Variants in ZMIZ1 observed in about 807,000 individuals in gnomAD.
The protein encoded by ZMIZ1 is zinc finger MIZ-type containing 1.
ZMIZ1 carries 17 observed loss-of-function variants against 113.9 expected under a neutral mutation model. That is an observed-to-expected ratio of 0.15 (90% CI 0.10 to 0.22). The LOEUF (loss-of-function observed/expected upper bound fraction) is 0.22, where lower values mean the gene tolerates loss of function less well. Among genes scored for constraint, ZMIZ1 ranks in the 10% least tolerant of loss-of-function variants. The pLI is 1.00. For missense variants in ZMIZ1, 1,059 were observed against 1,477.8 expected, an observed-to-expected ratio of 0.72 and a Z score of 4.65; for synonymous variants, 607 against 603.1, an observed-to-expected ratio of 1.01 and a Z score of -0.09.
At chr10:79,123,541 G>C (rs995603538) in intron 2 of ZMIZ1, among the ~76,000 whole-genome samples, 1 of 152,174 alleles carries the variant, frequency 6.6e-6, no homozygotes, top group Non-Finnish European at 1.5e-5. Flanking sequence ...CCACACAGGA[G>C]GGTTTCCTCC....
chr10:79,225,903 G>A (rs7894441), intron 7 of ZMIZ1, among the ~76,000 whole-genome samples: 1 of 152,198 alleles, frequency 6.6e-6, no homozygotes, highest in African/African-American at 2.4e-5. Flanking sequence ...CTTCACGGCT[G>A]CAGGAAGAAT....
At chr10:79,297,557 G>T (rs187955417) in intron 13 of ZMIZ1, 56 bp from the exon 14 acceptor site, 3 of 1,464,480 alleles carry the variant, frequency 2.0e-6, no homozygotes, top group Non-Finnish European at 2.9e-6. Flanking sequence ...GAGGGAGAGC[G>T]GGCTTCTGAT....
At chr10:79,230,713 A>G (rs1368864762) in intron 7 of ZMIZ1, among the ~76,000 whole-genome samples, 3 of 152,194 alleles carry the variant, frequency 2.0e-5, no homozygotes, top group African/African-American at 7.2e-5. Flanking sequence ...AGCATGCTGG[A>G]TGCGGTGGAG....
chr10:79,115,977 TTA>T (rs1345224515), intron 1 of ZMIZ1, among the ~76,000 whole-genome samples: 1 of 152,238 alleles, frequency 6.6e-6, no homozygotes, highest in African/African-American at 2.4e-5. Flanking sequence ...GGGTGTAGCA[TTA>T]TACTACGGCC....
At chr10:79,141,006 A>C (rs1182814851) in intron 3 of ZMIZ1, among the ~76,000 whole-genome samples, 2 of 152,102 alleles carry the variant, frequency 1.3e-5, no homozygotes, top group African/African-American at 4.8e-5. Flanking sequence ...TGGGTTTTGA[A>C]GACAGAGCCA....
intron 4 of ZMIZ1, among the ~76,000 whole-genome samples, chr10:79,192,373 C>T (rs1267019222): frequency 6.6e-6 from 1 of 152,212 alleles, no homozygotes; most frequent in African/African-American, 2.4e-5. Flanking sequence ...TGTCATGAAG[C>T]CCCCACTCTG....
intron 2 of ZMIZ1, among the ~76,000 whole-genome samples, chr10:79,138,117 CAG>C (rs1261459155): frequency 1.3e-5 from 2 of 152,192 alleles, no homozygotes; most frequent in Non-Finnish European, 2.9e-5. Flanking sequence ...AACCTGTGGG[CAG>C]AGTGGGAAAG....
rs577372823 is a variant in ZMIZ1, at chr10:79,142,749, T to A, written c.-131+2972T>A. ...ACCCTGGCCAAGCATCTTGCCCTGA[T>A]GTCTGTCCACTTTCCCACTTTCTTC... On this transcript the variant is annotated intron_variant, in intron 3 of 24. Transcript: ENST00000334512. Among the ~76,000 whole-genome samples the A allele has an allele frequency of 1.2e-4, 18 of 152,358 alleles. No homozygotes were observed. In the East Asian group the frequency reaches 3.5e-3, roughly 29 times the overall value.
At chr10:79,182,015 G>A (rs1480979474) in intron 4 of ZMIZ1, among the ~76,000 whole-genome samples, 1 of 152,214 alleles carries the variant, frequency 6.6e-6, no homozygotes, top group Admixed American at 6.5e-5. Flanking sequence ...GTGCCAAGCT[G>A]GAGAGAGACA....
chr10:79,111,439 C>G (rs1241930607), intron 1 of ZMIZ1, among the ~76,000 whole-genome samples: 4 of 152,208 alleles, frequency 2.6e-5, no homozygotes, highest in Non-Finnish European at 5.9e-5. Context: ...AAGGTGTACC[C>G]TCTCCCATAA....
chr10:79,120,875 G>C (rs1489473153), intron 2 of ZMIZ1, among the ~76,000 whole-genome samples: 1 of 152,204 alleles, frequency 6.6e-6, no homozygotes. Context: ...GGTGGGGTCT[G>C]TGTCATCCCT....
chr10:79,311,284 A>T, intron 24 of ZMIZ1, 100 bp downstream of exon 24: 54 of 187,152 alleles, frequency 2.9e-4, no homozygotes, highest in Middle Eastern at 2.0e-3. Flanking sequence ...CCCCGAAGGG[A>T]GGAGGTGGGT....
At chr10:79,246,071 T>C (rs909531182) in intron 7 of ZMIZ1, among the ~76,000 whole-genome samples, 4 of 152,266 alleles carry the variant, frequency 2.6e-5, no homozygotes, top group Non-Finnish European at 5.9e-5. Context: ...GCATTTGTTT[T>C]GTGGCAGCCT....
intron 7 of ZMIZ1, among the ~76,000 whole-genome samples, chr10:79,246,775 C>G (rs142378613): frequency 1.3e-5 from 2 of 152,328 alleles, no homozygotes; most frequent in Non-Finnish European, 2.9e-5. Context: ...AACAAGGCCT[C>G]CACCCTCGAA....
In ZMIZ1 at chr10:79,240,302, G is replaced by C. The variant is rs561281087; in HGVS notation, c.280+24028G>C. 2.6e-5 allele frequency among the ~76,000 whole-genome samples: 4 copies of C among 152,320 alleles called. No homozygotes were observed. In the East Asian group the frequency reaches 5.8e-4, roughly 22 times the overall value. On this transcript the variant is annotated intron_variant, in intron 7 of 24. Coordinates refer to ENST00000334512, the MANE Select transcript of ZMIZ1 (RefSeq NM_020338.4). ...TGAGGTGGAGAGCGCCTTTGTCTGC[G>C]GCCTCTTTGCTGTAGATCCTTATCA...
chr10:79,078,377 T>C (rs1384826522), intron 1 of ZMIZ1, among the ~76,000 whole-genome samples: 2 of 152,018 alleles, frequency 1.3e-5, no homozygotes, highest in Non-Finnish European at 2.9e-5. Context: ...CTGAAGACCA[T>C]GAGCCGAAAC....
chr10:79,109,746 G>T (rs2132289910), intron 1 of ZMIZ1, among the ~76,000 whole-genome samples: 1 of 152,380 alleles, frequency 6.6e-6, no homozygotes, highest in South Asian at 2.1e-4. Context: ...TTGCCAGCAT[G>T]TGGCCCTAGA....
rs968801444 is a variant in ZMIZ1, at chr10:79,299,307, C to T, written c.1808+116C>T. The T allele has an allele frequency of 7.2e-6, 10 of 1,397,422 alleles. No individual in the cohort carries two copies. In the Admixed American group the frequency reaches 1.0e-4, roughly 14 times the overall value. The allele number at this position is 1,397,422 out of a possible 1,614,324, so 86.6% of individuals were successfully genotyped here. A position where few individuals can be genotyped will look rare whatever the true frequency, so the allele number is the denominator to read the frequency against. ...GGGTAGCAGCATCTTCTGACACCTT[C>T]ACGTGTTCAGCATCATTGACTGGGC... On this transcript the variant is annotated intron_variant, in intron 16 of 24. Coordinates refer to ENST00000334512, the MANE Select transcript of ZMIZ1 (RefSeq NM_020338.4).
intron 7 of ZMIZ1, among the ~76,000 whole-genome samples, chr10:79,227,844 G>A (rs936960086): frequency 1.3e-5 from 2 of 152,218 alleles, no homozygotes; most frequent in Non-Finnish European, 2.9e-5. Flanking sequence ...CTCCAAGACA[G>A]CAGAGGTTTA....
Sources: allele counts gnomAD v4.1 joint callset (sites outside exome capture counted in the v4.1 genomes callset), GRCh38; gene constraint gnomAD v4.1.1; transcripts MANE v1.5; gene names NCBI Gene and HGNC (gene_info 2026-07-23, HGNC 2026-07-21).